The following R3HDM2 variants were observed in gnomAD, a reference collection of about 807,000 sequenced individuals.
R3HDM2 encodes the protein R3H domain-containing protein 2.
In R3HDM2, 38 loss-of-function variants were observed where a neutral mutation model predicts 124.5. That is an observed-to-expected ratio of 0.31 (90% CI 0.24 to 0.40). The LOEUF is 0.40. Ranked by LOEUF, R3HDM2 falls within the 10% of genes least tolerant of loss-of-function variation. The pLI, the probability that R3HDM2 is intolerant of heterozygous loss-of-function variation, is 1.00. For synonymous variants in R3HDM2, 391 were observed against 448.0 expected (o/e 0.87, Z 1.61); for missense variants, 869 against 1,236.9 (o/e 0.70, Z 4.46).
intron 2 of R3HDM2, among the ~76,000 whole-genome samples, chr12:57,324,647 G>T (rs2057013550): frequency 1.3e-5 from 2 of 152,214 alleles, no homozygotes; most frequent in Non-Finnish European, 2.9e-5. Context: ...CATCTCTTTT[G>T]TAACAGAGCT....
intron 14 of R3HDM2, 151 bp from the exon 15 acceptor site, chr12:57,270,145 A>T: frequency 1.1e-6 from 1 of 938,018 alleles, no homozygotes. Context: ...TATGAATTGA[A>T]TAGCTGTTGA....
chr12:57,355,319 C>T (rs1410564855), intron 2 of R3HDM2, among the ~76,000 whole-genome samples: 3 of 151,212 alleles, frequency 2.0e-5, no homozygotes, highest in Non-Finnish European at 2.9e-5. Flanking sequence ...ATTAGCCGGG[C>T]GTAGTGGCAG....
intron 3 of R3HDM2, among the ~76,000 whole-genome samples, chr12:57,308,160 T>C (rs1404492470): frequency 5.3e-5 from 8 of 150,704 alleles, no homozygotes; most frequent in African/African-American, 1.9e-4. Flanking sequence ...GTTCAAGCAA[T>C]TCTCCTGCCT....
chr12:57,301,330 A>T (rs2051105065), intron 4 of R3HDM2, among the ~76,000 whole-genome samples: 1 of 152,184 alleles, frequency 6.6e-6, no homozygotes, highest in Admixed American at 6.5e-5. Flanking sequence ...ACCTATAAAC[A>T]TTTACTGAGA....
chr12:57,414,886 C>T (rs1344385531), intron 1 of R3HDM2, among the ~76,000 whole-genome samples: 1 of 151,736 alleles, frequency 6.6e-6, no homozygotes, highest in Non-Finnish European at 1.5e-5. Flanking sequence ...TTTATAGGAA[C>T]CATTCCCCAT....
At chr12:57,265,982 A>T (rs2042284185) in intron 19 of R3HDM2, among the ~76,000 whole-genome samples, 1 of 151,838 alleles carries the variant, frequency 6.6e-6, no homozygotes, top group African/African-American at 2.4e-5. Flanking sequence ...TTTTTAATAG[A>T]AGTGGGGTTT....
intron 3 of R3HDM2, chr12:57,305,743 C>G (rs138714323): frequency 2.0e-4 from 80 of 398,002 alleles, no homozygotes; most frequent in African/African-American, 1.5e-3. Context: ...GCTACAGGAG[C>G]ACACAGCAGA....
chr12:57,416,665 G>A (rs998412118), intron 1 of R3HDM2, among the ~76,000 whole-genome samples: 19 of 151,926 alleles, frequency 1.3e-4, no homozygotes, highest in African/African-American at 4.1e-4. Flanking sequence ...AAAATTAGCC[G>A]GCAGTGGTGG....
chr12:57,350,191 C>T (rs2060536052), intron 2 of R3HDM2, among the ~76,000 whole-genome samples: 2 of 151,924 alleles, frequency 1.3e-5, no homozygotes, highest in Non-Finnish European at 2.9e-5. Flanking sequence ...GACTGGGCGA[C>T]AGAGCAAGAC....
At chr12:57,407,286 G>A (rs1397140404) in intron 1 of R3HDM2, among the ~76,000 whole-genome samples, 4 of 151,400 alleles carry the variant, frequency 2.6e-5, no homozygotes, top group Non-Finnish European at 5.9e-5. Flanking sequence ...TGTTAAACAT[G>A]CACTGACCAA....
chr12:57,332,702 T>G (rs2136665412), intron 2 of R3HDM2, among the ~76,000 whole-genome samples: 1 of 152,354 alleles, frequency 6.6e-6, no homozygotes, highest in South Asian at 2.1e-4. Context: ...TCCTGCTTTG[T>G]GCTTATCCAA....
chr12:57,386,239 T>G (rs2138506084), intron 2 of R3HDM2, among the ~76,000 whole-genome samples: 1 of 152,324 alleles, frequency 6.6e-6, no homozygotes, highest in South Asian at 2.1e-4. Flanking sequence ...AGCCCACCGC[T>G]GCACTGTGGG....
intron 2 of R3HDM2, among the ~76,000 whole-genome samples, chr12:57,359,199 G>T (rs555015331): frequency 1.3e-5 from 2 of 152,150 alleles, no homozygotes; most frequent in African/African-American, 4.8e-5. Context: ...TTACAGGCGT[G>T]AACCACCGCG....
chr12:57,390,877 T>C (rs61937493), intron 2 of R3HDM2, among the ~76,000 whole-genome samples: 315 of 151,872 alleles, frequency 2.1e-3, no homozygotes, highest in Non-Finnish European at 2.4e-3. Context: ...CCAGGTGTGG[T>C]GGTGGTTGCC....
In R3HDM2 at chr12:57,296,729, C is replaced by T; in HGVS notation, c.561-178G>A. On this transcript the variant is annotated intron_variant, in intron 8 of 23. Transcript: ENST00000402412. This position sits in a 1 kb window ranked among gnomAD's most constrained non-coding sequence, Gnocchi z 4.5. ...AATAGGTTTTTCTCAGTTTCTTTAT[C>T]TACAGTATTCTGCAGATTACTATGA... 1 of 660,446 alleles carries T rather than the reference C, an allele frequency of 1.5e-6. No individual in the cohort carries two copies. Among genetic ancestry groups the T allele is most frequent in the Non-Finnish European group, 2.5e-6 (1 of 402,964 alleles). 40.9% of individuals were successfully genotyped at this position (660,446 alleles called of 1,614,324 possible).
At chr12:57,357,114 G>GAATA (rs60165527) in intron 2 of R3HDM2, among the ~76,000 whole-genome samples, 67,076 of 146,526 alleles carry the variant, frequency 0.46, 15,851 homozygotes, top group Middle Eastern at 0.79. Context: ...AAAAATAAAT[G>GAATA]AATAAATAAA....
chr12:57,424,725 G>T (rs1484727329), intron 1 of R3HDM2, among the ~76,000 whole-genome samples: 1 of 152,064 alleles, frequency 6.6e-6, no homozygotes, highest in African/African-American at 2.4e-5. Context: ...GTTTTTAAGA[G>T]ACAGGCTCTC....
intron 3 of R3HDM2, among the ~76,000 whole-genome samples, chr12:57,304,223 G>A (rs2052006373): frequency 6.6e-6 from 1 of 152,206 alleles, no homozygotes; most frequent in African/African-American, 2.4e-5. Flanking sequence ...GTGGATAAGG[G>A]TCAGGATAGA....
chr12:57,383,648 C>T (rs993612953), intron 2 of R3HDM2, among the ~76,000 whole-genome samples: 8 of 151,924 alleles, frequency 5.3e-5, no homozygotes, highest in African/African-American at 1.7e-4. Flanking sequence ...GTGGAGGTTG[C>T]GGTGAGCCGA....
Sources: gnomAD v4.1 joint callset for allele counts (sites outside exome capture counted in the v4.1 genomes callset) on GRCh38, gnomAD v4.1.1 for gene constraint, Gnocchi (gnomAD v3.1) non-coding constraint, MANE v1.5 for transcripts, NCBI Gene and HGNC (gene_info 2026-07-23, HGNC 2026-07-21) for gene names.